MCOLN1: variants seen among roughly 807,000 people sequenced by gnomAD.
MCOLN1 encodes mucolipin TRP cation channel 1, also known as mucolipin-1.
A neutral mutation model predicts 70.3 loss-of-function variants in MCOLN1; 50 were observed. The ratio of observed to expected loss-of-function variants is 0.71; its 90% CI spans 0.57 to 0.90. MCOLN1 has a LOEUF of 0.90. Among genes scored for constraint, MCOLN1 ranks in the 40% least tolerant of loss-of-function variants. The pLI, the probability that MCOLN1 is intolerant of heterozygous loss-of-function variation, is 0.00. For synonymous variants in MCOLN1, 366 were observed against 341.0 expected, an observed-to-expected ratio of 1.07 and a Z score of -0.81; for missense variants, 598 against 803.5, an observed-to-expected ratio of 0.74 and a Z score of 3.09.
At position 7,528,791 on chromosome 19, in the gene MCOLN1, T is replaced by G. The variant is rs1169158375; in HGVS notation, c.985-30T>G. The G allele has an allele frequency of 6.2e-7, 1 of 1,614,140 alleles. No individual in the cohort carries two copies. Among genetic ancestry groups the G allele is most frequent in the South Asian group, 1.1e-5 (1 of 91,078 alleles). On this transcript the variant is annotated intron_variant, in intron 8 of 13. Transcript: ENST00000264079. The surrounding 1 kb of genome is among the most constrained non-coding windows in gnomAD (Gnocchi z 4.2). ...AGGGCTTTGAGGGTCCTGTGCCTGGTCAGGCCCTCACCCCGCCTGCCTTCT... is the reference window on the plus strand; with the variant it reads ...AGGGCTTTGAGGGTCCTGTGCCTGGGCAGGCCCTCACCCCGCCTGCCTTCT...
chr19:7,527,725 C>A (rs1180621368), intron 5 of MCOLN1, 97 bp downstream of exon 5: 3 of 1,084,482 alleles, frequency 2.8e-6, no homozygotes, highest in Non-Finnish European at 2.9e-6. Flanking sequence ...GGGACAGGGC[C>A]CCCCCGCCCG....
Position 7,525,835 on chromosome 19 carries a change from G to A in MCOLN1, c.238-604G>A, listed in dbSNP as rs1350455313. ...GCCAGCACTTTGGGAGGCTGAGTTGGGTGGATCATTTGAGGCCAGGAGTTT... is the reference window on the plus strand; with the variant it reads ...GCCAGCACTTTGGGAGGCTGAGTTGAGTGGATCATTTGAGGCCAGGAGTTT... On this transcript the variant is annotated intron_variant, in intron 2 of 13. Coordinates refer to ENST00000264079, the MANE Select transcript of MCOLN1 (RefSeq NM_020533.3). This position sits in a 1 kb window ranked among gnomAD's most constrained non-coding sequence, Gnocchi z 4.2. 1.2e-5 allele frequency: 2 copies of A among 172,682 alleles called. No individual in the cohort carries two copies. Among genetic ancestry groups the A allele is most frequent in the African/African-American group, 4.8e-5 (2 of 41,670 alleles). The allele number at this position is 172,682 out of a possible 1,614,324, so 10.7% of individuals were successfully genotyped here.
chr19:7,529,301 C>T, intron 10 of MCOLN1, 99 bp downstream of exon 10: 1 of 1,120,390 alleles, frequency 8.9e-7, no homozygotes, highest in Non-Finnish European at 1.3e-6. Context: ...GGCCAATGGC[C>T]CCTTGCAAGC....
chr19:7,528,480 C>T lies in MCOLN1; in HGVS notation c.878-117C>T. 1.4e-6 allele frequency: 2 copies of T among 1,385,904 alleles called. No homozygotes were observed. Among genetic ancestry groups the T allele is most frequent in the Admixed American group, 2.0e-5 (1 of 50,926 alleles). 85.9% of individuals were successfully genotyped at this position (1,385,904 alleles called of 1,614,324 possible). A position where few individuals can be genotyped will look rare whatever the true frequency, so the allele number is the denominator to read the frequency against. On this transcript the variant is annotated intron_variant, in intron 7 of 13. Coordinates refer to ENST00000264079, the MANE Select transcript of MCOLN1 (RefSeq NM_020533.3). This position sits in a 1 kb window ranked among gnomAD's most constrained non-coding sequence, Gnocchi z 4.2. Reference sequence around the variant, plus strand: ...TCACCCCAAGCAAGCCCTGAGCCCACTGACCAACCAAAACCAGCCGTGCAG... The same window carrying T: ...TCACCCCAAGCAAGCCCTGAGCCCATTGACCAACCAAAACCAGCCGTGCAG...
At chr19:7,529,505 C>CCCCCCCCCCCCCCCCCCCAGGGGG in intron 10 of MCOLN1, 85 bp from the exon 11 acceptor site, 4 of 755,740 alleles carry the variant, frequency 5.3e-6, no homozygotes, top group East Asian at 2.9e-5. Context: ...GGCAAGGCCC[C>CCCCCCCCCCCCCCCCCCCAGGGGG]GCCCCTCCCA....
At chr19:7,529,290 C>T (rs1036624529) in intron 10 of MCOLN1, 88 bp downstream of exon 10, 19 of 1,210,566 alleles carry the variant, frequency 1.6e-5, no homozygotes, top group South Asian at 4.9e-5. Context: ...TCACCAGCCC[C>T]GGCCAATGGC....
rs1381397235 is a variant in MCOLN1, at chr19:7,526,141, A to G, written c.238-298A>G. Reference sequence around the variant, plus strand: ...TAACACAGAATCGGACATCCAGTAAACATTTAATGAACGTTAGTCCCTGCA... The same window carrying G: ...TAACACAGAATCGGACATCCAGTAAGCATTTAATGAACGTTAGTCCCTGCA... On this transcript the variant is annotated intron_variant, in intron 2 of 13. Transcript: ENST00000264079. The surrounding 1 kb of genome is among the most constrained non-coding windows in gnomAD (Gnocchi z 4.6). 6 of 487,108 alleles carry G rather than the reference A, an allele frequency of 1.2e-5. No individual in the cohort carries two copies. Among genetic ancestry groups the G allele is most frequent in the Non-Finnish European group, 1.9e-5 (5 of 264,796 alleles). The allele number at this position is 487,108 out of a possible 1,614,324, so 30.2% of individuals were successfully genotyped here.
rs1180978786 is a variant in MCOLN1 at position 7,533,612 on chromosome 19, C to T, written c.1665C>T (p.Arg555=). The part of the protein sequence containing the change: ...QDSPTSGKFR[R]GSGSACSLLC... ...GCCCCACCTCCGGCAAGTTCCGCCG[C>T]GGGAGCGGCTCGGCCTGCAGCCTTC... is the stretch of plus-strand genomic sequence containing the variant. Residue 555 remains arginine, a synonymous_variant, in exon 13 of 14, where the codon CGC becomes CGT. Transcript: ENST00000264079. The T allele has an allele frequency of 6.2e-7, 1 of 1,613,590 alleles. No individual in the cohort carries two copies. Among genetic ancestry groups the T allele is most frequent in the Non-Finnish European group, 8.5e-7 (1 of 1,179,948 alleles).
chr19:7,530,848 A>G (rs956308351), intron 12 of MCOLN1, among the ~76,000 whole-genome samples: 7 of 152,014 alleles, frequency 4.6e-5, no homozygotes, highest in Non-Finnish European at 7.4e-5. Context: ...GGTTCAAGCA[A>G]TTCTGTCTCA....
In MCOLN1 at chr19:7,527,647, A is replaced by G; in HGVS notation, c.680+19A>G. 6.5e-7 allele frequency: 1 copy of G among 1,534,924 alleles called. No homozygotes were observed. The highest frequency in any genetic ancestry group is 9.0e-7 in the Non-Finnish European group (1 of 1,107,802). On this transcript the variant is annotated intron_variant, in intron 5 of 13. Coordinates refer to ENST00000264079, the MANE Select transcript of MCOLN1 (RefSeq NM_020533.3). Reference sequence around the variant, plus strand: ...TCCACAAGTACTGCCTGCTCACTCGAGGGGGGCCCAGGGTGGGGGAGGCAG... The same window carrying G: ...TCCACAAGTACTGCCTGCTCACTCGGGGGGGGCCCAGGGTGGGGGAGGCAG...
At position 7,526,474 on chromosome 19, in the gene MCOLN1, G is replaced by A. The variant is rs750262188; in HGVS notation, c.273G>A (p.Val91=). ...TTGGGCTCAGTAATCAGCTGGCTGTGACATTCCGGGAAGAGAACACCATCG... is the reference window on the plus strand; with the variant it reads ...TTGGGCTCAGTAATCAGCTGGCTGTAACATTCCGGGAAGAGAACACCATCG... ...ILFGLSNQLA[V]TFREENTIAF... Residue 91 remains valine (V), a synonymous_variant, in exon 3 of 14, where the codon GTG becomes GTA. Coordinates refer to ENST00000264079, the MANE Select transcript of MCOLN1 (RefSeq NM_020533.3). The surrounding 1 kb of genome is among the most constrained non-coding windows in gnomAD (Gnocchi z 4.6). 12 of 1,614,122 alleles carry A rather than the reference G, an allele frequency of 7.4e-6. No homozygotes were observed. In the African/African-American group the frequency reaches 1.3e-4, roughly 18 times the overall value.
Position 7,525,245 on chromosome 19 carries a change from A to C in MCOLN1, c.237+79A>C, listed in dbSNP as rs767122747. On this transcript the variant is annotated intron_variant, in intron 2 of 13. Coordinates refer to ENST00000264079, the MANE Select transcript of MCOLN1 (RefSeq NM_020533.3). The surrounding 1 kb of genome is among the most constrained non-coding windows in gnomAD (Gnocchi z 4.2). The stretch of plus-strand genomic sequence containing the variant: ...TCCTTGAAGAGAGTCTTAAAGCAGC[A>C]CTTTGGAAGGCCGAGGCCGGTGGAT... 2 of 1,380,356 alleles carry C rather than the reference A, an allele frequency of 1.4e-6. No homozygotes were observed. Among genetic ancestry groups the C allele is most frequent in the Non-Finnish European group, 2.0e-6 (2 of 976,254 alleles). 85.5% of individuals were successfully genotyped at this position (1,380,356 alleles called of 1,614,324 possible).
At chr19:7,529,766 A>C in intron 11 of MCOLN1, 54 bp downstream of exon 11, 1 of 1,610,260 alleles carries the variant, frequency 6.2e-7, no homozygotes, top group South Asian at 1.1e-5. Flanking sequence ...TGTCATTGAC[A>C]CTGTGACCCC....
chr19:7,528,464 G>A lies in MCOLN1; in HGVS notation c.878-133G>A. On this transcript the variant is annotated intron_variant, in intron 7 of 13. Transcript: ENST00000264079. The surrounding 1 kb of genome is among the most constrained non-coding windows in gnomAD (Gnocchi z 4.2). ...GACCGGGGTTCTTGACTCACCCCAA[G>A]CAAGCCCTGAGCCCACTGACCAACC... The A allele has an allele frequency of 8.2e-7, 1 of 1,223,368 alleles. No homozygotes were observed. The highest frequency in any genetic ancestry group is 1.2e-6 in the Non-Finnish European group (1 of 860,946). The allele number at this position is 1,223,368 out of a possible 1,614,324, so 75.8% of individuals were successfully genotyped here. A position where few individuals can be genotyped will look rare whatever the true frequency, so the allele number is the denominator to read the frequency against.
Position 7,524,854 on chromosome 19 carries a change from G to C in MCOLN1, c.32-107G>C. The C allele has an allele frequency of 1.1e-6, 1 of 897,988 alleles. No homozygotes were observed. The highest frequency in any genetic ancestry group is 1.8e-6 in the Non-Finnish European group (1 of 552,954). The allele number at this position is 897,988 out of a possible 1,614,324, so 55.6% of individuals were successfully genotyped here. On this transcript the variant is annotated intron_variant, in intron 1 of 13. Coordinates refer to ENST00000264079, the MANE Select transcript of MCOLN1 (RefSeq NM_020533.3). This position sits in a 1 kb window ranked among gnomAD's most constrained non-coding sequence, Gnocchi z 4.1. ...GACCTCTCAGAGCTCTTCCTTGGCAGGAGCATGGGGACATGAAGATAGGGC... is the reference window on the plus strand; with the variant it reads ...GACCTCTCAGAGCTCTTCCTTGGCACGAGCATGGGGACATGAAGATAGGGC...
intron 11 of MCOLN1, 79 bp downstream of exon 11, chr19:7,529,791 G>T (rs369743464): frequency 1.9e-6 from 3 of 1,565,442 alleles, no homozygotes; most frequent in Non-Finnish European, 2.6e-6. Context: ...TGACCCCTTG[G>T]TGACTGCTGG....
chr19:7,524,831 C>A lies in MCOLN1; in HGVS notation c.32-130C>A. The A allele has an allele frequency of 1.3e-6, 1 of 752,390 alleles. No homozygotes were observed. The allele number at this position is 752,390 out of a possible 1,614,324, so 46.6% of individuals were successfully genotyped here. A position where few individuals can be genotyped will look rare whatever the true frequency, so the allele number is the denominator to read the frequency against. On this transcript the variant is annotated intron_variant, in intron 1 of 13. Coordinates refer to ENST00000264079, the MANE Select transcript of MCOLN1 (RefSeq NM_020533.3). The surrounding 1 kb of genome is among the most constrained non-coding windows in gnomAD (Gnocchi z 4.1). The stretch of plus-strand genomic sequence containing the variant: ...CACAGGTTTTCTGGTTTTCTTTAGA[C>A]CTCTCAGAGCTCTTCCTTGGCAGGA...
intron 9 of MCOLN1, 29 bp from the exon 10 acceptor site, chr19:7,529,072 A>G: frequency 2.5e-6 from 4 of 1,613,732 alleles, no homozygotes; most frequent in South Asian, 2.2e-5. Context: ...GGGCTGGGCC[A>G]GATAGGTTGA....
At position 7,533,615 on chromosome 19, in the gene MCOLN1, G is replaced by C. The variant is rs2146030162; in HGVS notation, c.1668G>C (p.Gly556=). The C allele has an allele frequency of 6.2e-7, 1 of 1,612,458 alleles. No homozygotes were observed. Among genetic ancestry groups the C allele is most frequent in the Non-Finnish European group, 8.5e-7 (1 of 1,179,712 alleles). Residue 556 remains glycine, a synonymous_variant, in exon 13 of 14, where the codon GGG becomes GGC. Coordinates refer to ENST00000264079, the MANE Select transcript of MCOLN1 (RefSeq NM_020533.3). ...DSPTSGKFRR[G]SGSACSLLCC... ...CCACCTCCGGCAAGTTCCGCCGCGG[G>C]AGCGGCTCGGCCTGCAGCCTTCTCT...
Sources: allele counts gnomAD v4.1 joint callset (sites outside exome capture counted in the v4.1 genomes callset), GRCh38; gene constraint gnomAD v4.1.1; non-coding constraint Gnocchi (gnomAD v3.1); transcripts MANE v1.5; gene names NCBI Gene and HGNC (gene_info 2026-07-23, HGNC 2026-07-21).